Variants in RNF17 observed in about 807,000 individuals in gnomAD.
The protein encoded by RNF17 is ring finger protein 17, also known as spermatogenesis associated 23.
A neutral mutation model predicts 200.5 loss-of-function variants in RNF17; 31 were observed. The observed-to-expected ratio is 0.15, with a 90% CI of 0.12 to 0.21. The LOEUF (loss-of-function observed/expected upper bound fraction) is 0.21, where lower values mean the gene tolerates loss of function less well. Among genes scored for constraint, RNF17 ranks in the 10% least tolerant of loss-of-function variants. The probability of loss-of-function intolerance (pLI) is 1.00; values close to 1 mark genes in which losing one functional copy is unlikely to be tolerated. For synonymous variants in RNF17, 606 were observed against 637.8 expected, an observed-to-expected ratio of 0.95 and a Z score of 0.75; for missense variants, 1,628 against 1,905.1, an observed-to-expected ratio of 0.85 and a Z score of 2.71.
chr13:24,777,770 A>C (rs578245157), intron 3 of RNF17, among the ~76,000 whole-genome samples: 1 of 152,332 alleles, frequency 6.6e-6, no homozygotes, highest in East Asian at 1.9e-4. Flanking sequence ...TATATAAGCC[A>C]TTATTTTTGG....
upstream of RNF17, among the ~76,000 whole-genome samples, chr13:24,761,974 G>C (rs1878781354): frequency 1.3e-5 from 2 of 152,152 alleles, no homozygotes; most frequent in Non-Finnish European, 2.9e-5. Flanking sequence ...AGCTATCCTA[G>C]AGGAAAAAGA....
At position 24,870,726 on chromosome 13, in the gene RNF17, G is replaced by A. The variant is rs267603789; in HGVS notation, c.4434G>A (p.Thr1478=). The change falls in exon 32 of 36, where the codon ACG becomes ACA. Residue 1478 remains threonine, a synonymous_variant. Transcript: ENST00000255324. ...AGGTAGAGGCGCTTCCTCCTCTGACGGATTTTAGAACAGGTATACTTACTA... is the reference window on the plus strand; with the variant it reads ...AGGTAGAGGCGCTTCCTCCTCTGACAGATTTTAGAACAGGTATACTTACTA... ...NKKVEALPPL[T]DFRTEMPCLA... The A allele has an allele frequency of 1.2e-5, 20 of 1,613,608 alleles. No homozygotes were observed. The highest frequency in any genetic ancestry group is 1.7e-5 in the Non-Finnish European group (20 of 1,179,838).
chr13:24,856,640 T>G (rs1256383340), intron 25 of RNF17, among the ~76,000 whole-genome samples: 3 of 152,202 alleles, frequency 2.0e-5, no homozygotes, highest in Non-Finnish European at 1.5e-5. Context: ...TCCCCACTGA[T>G]CTGCAATGCT....
chr13:24,846,858 G>A (rs1253326567), intron 22 of RNF17, among the ~76,000 whole-genome samples: 1 of 152,100 alleles, frequency 6.6e-6, no homozygotes, highest in Non-Finnish European at 1.5e-5. Flanking sequence ...CATGTTATTT[G>A]GCTAAAAGAC....
At chr13:24,861,108 G>A (rs935485533) in intron 26 of RNF17, among the ~76,000 whole-genome samples, 160 bp from the exon 27 acceptor site, 19 of 151,868 alleles carry the variant, frequency 1.3e-4, no homozygotes, top group Admixed American at 1.1e-3. Context: ...CAAACTCCTG[G>A]GCTCAAACAA....
chr13:24,754,569 C>T, the RNF17 span, among the ~76,000 whole-genome samples: 1 of 152,124 alleles, frequency 6.6e-6, no homozygotes, highest in African/African-American at 2.4e-5. Context: ...AACAGTCCTC[C>T]CTGTTCCTAC....
intron 15 of RNF17, among the ~76,000 whole-genome samples, chr13:24,809,362 GT>G (rs2137805310): frequency 6.6e-6 from 1 of 152,190 alleles, no homozygotes; most frequent in South Asian, 2.1e-4. Context: ...CTTCTTCCTG[GT>G]TTAGTCTTGG....
At chr13:24,790,837 G>A (rs1206992655) in intron 9 of RNF17, among the ~76,000 whole-genome samples, 2 of 152,124 alleles carry the variant, frequency 1.3e-5, no homozygotes, top group East Asian at 3.9e-4. Context: ...GAGCAAAAAA[G>A]GGCATAAGCT....
At chr13:24,830,652 G>C in intron 17 of RNF17, 53 bp downstream of exon 17, 1 of 1,212,864 alleles carries the variant, frequency 8.2e-7, no homozygotes, top group Non-Finnish European at 1.2e-6. Context: ...AAATATGGAA[G>C]TATTTTTAGA....
Position 24,774,840 on chromosome 13 carries a change from C to A in RNF17, c.253C>A (p.Arg85Ser). 1 of 1,612,152 alleles carries A rather than the reference C, an allele frequency of 6.2e-7. No individual in the cohort carries two copies. Among genetic ancestry groups the A allele is most frequent in the Non-Finnish European group, 8.5e-7 (1 of 1,178,636 alleles). Residue 85 changes from arginine (R) to serine (S), a missense_variant, in exon 3 of 36, where the codon CGC (arginine) becomes AGC (serine). By Grantham distance (110) the Arg-to-Ser change is moderately radical. Around this residue, in one of 5 missense-constraint regions of RNF17, gnomAD observed 502 missense variants for 501.7 expected, o/e 1.00. Coordinates refer to ENST00000255324, the MANE Select transcript of RNF17 (RefSeq NM_031277.3). ...TGCTACAGCTGTAAATACTAGACAA[C>A]GCTACTACCCAATGGCTGGATATAT... Reference protein sequence around the residue: ...EVATAVNTRQRYYPMAGYIKE... With the variant: ...EVATAVNTRQSYYPMAGYIKE...
chr13:24,852,162 G>T (rs1375817184), intron 24 of RNF17, among the ~76,000 whole-genome samples: 5 of 145,082 alleles, frequency 3.4e-5, no homozygotes, highest in Admixed American at 2.1e-4. Context: ...TTTCTGAGAC[G>T]GAGTCTGGCT....
chr13:24,872,197 T>G (rs763524951), intron 32 of RNF17, among the ~76,000 whole-genome samples: 27 of 151,814 alleles, frequency 1.8e-4, no homozygotes, highest in Non-Finnish European at 3.5e-4. Context: ...TGACCTCAGA[T>G]GATCTGCCCA....
At chr13:24,829,562 C>T (rs1889157109) in intron 16 of RNF17, among the ~76,000 whole-genome samples, 1 of 152,148 alleles carries the variant, frequency 6.6e-6, no homozygotes, top group South Asian at 2.1e-4. Flanking sequence ...TCATGGATAT[C>T]TCCTACCATA....
chr13:24,842,246 C>G (rs1044928675), intron 19 of RNF17, 85 bp downstream of exon 19: 14 of 1,231,520 alleles, frequency 1.1e-5, no homozygotes, highest in Non-Finnish European at 1.6e-5. Context: ...CATATCATTC[C>G]CCATTGGAGA....
intron 26 of RNF17, among the ~76,000 whole-genome samples, chr13:24,860,116 T>G (rs907833952): frequency 1.3e-5 from 2 of 151,702 alleles, no homozygotes; most frequent in African/African-American, 4.8e-5. Flanking sequence ...TGGATAGTTA[T>G]AGGGGTTATC....
intron 15 of RNF17, among the ~76,000 whole-genome samples, chr13:24,814,940 A>G (rs182549141): frequency 3.9e-5 from 6 of 152,312 alleles, no homozygotes; most frequent in East Asian, 1.9e-4. Flanking sequence ...TTGAAACTCA[A>G]CTGATTTTTA....
intron 15 of RNF17, among the ~76,000 whole-genome samples, chr13:24,824,806 A>G (rs1244193534): frequency 6.6e-6 from 1 of 152,210 alleles, no homozygotes; most frequent in African/African-American, 2.4e-5. Flanking sequence ...ACAGAACTAT[A>G]CACATTGAGA....
intron 25 of RNF17, among the ~76,000 whole-genome samples, 156 bp from the exon 26 acceptor site, chr13:24,858,845 C>G (rs1184756459): frequency 6.6e-6 from 1 of 150,978 alleles, no homozygotes; most frequent in Admixed American, 6.7e-5. Context: ...TGTTTATATG[C>G]TATTACTAGT....
chr13:24,858,066 A>G (rs1892709647), intron 25 of RNF17, among the ~76,000 whole-genome samples: 1 of 152,150 alleles, frequency 6.6e-6, no homozygotes. Flanking sequence ...ACCTGGGCCC[A>G]TCAGAATAGT....
Sources: allele counts gnomAD v4.1 joint callset (sites outside exome capture counted in the v4.1 genomes callset), GRCh38; gene constraint gnomAD v4.1.1; regional missense constraint gnomAD v4.1.1; transcripts MANE v1.5; gene names NCBI Gene and HGNC (gene_info 2026-07-23, HGNC 2026-07-21).